FABP7: variants seen among roughly 807,000 people sequenced by gnomAD.
FABP7 encodes fatty acid-binding protein, brain.
In FABP7, 13 loss-of-function variants were observed where a neutral mutation model predicts 14.2. The observed-to-expected ratio is 0.91, with a 90% confidence interval of 0.59 to 1.45. The LOEUF is 1.45. Among genes scored for constraint, FABP7 ranks in the 40% most tolerant of loss-of-function variants. FABP7 has a pLI of 0.00. For missense variants in FABP7, 149 were observed against 157.6 expected (o/e 0.95, Z 0.29); for synonymous variants, 49 against 51.4 (o/e 0.95, Z 0.20).
At chr6:122,774,483 T>G in the FABP7 span, among the ~76,000 whole-genome samples, 1 of 151,868 alleles carries the variant, frequency 6.6e-6, no homozygotes, top group Non-Finnish European at 1.5e-5. Context: ...CACTTTATCT[T>G]CTATTAAATT....
the FABP7 span, among the ~76,000 whole-genome samples, chr6:122,768,866 T>C: frequency 2.0e-5 from 3 of 152,146 alleles, no homozygotes; most frequent in Non-Finnish European, 4.4e-5. Flanking sequence ...GCTACATTAC[T>C]CTAGATTAGA....
chr6:122,779,714 G>A (rs1331935480), upstream of FABP7: 16 of 1,345,308 alleles, frequency 1.2e-5, no homozygotes, highest in Non-Finnish European at 1.6e-5. Context: ...GCTTGCTGAG[G>A]TGTAAAGGGT....
the FABP7 span, among the ~76,000 whole-genome samples, chr6:122,761,224 C>T: frequency 2.1e-3 from 323 of 152,184 alleles, 5 homozygotes; most frequent in African/African-American, 7.5e-3. Flanking sequence ...AGTGGAAGAC[C>T]TCTTAACTTG....
At chr6:122,766,589 A>G in the FABP7 span, among the ~76,000 whole-genome samples, 1 of 152,072 alleles carries the variant, frequency 6.6e-6, no homozygotes, top group Non-Finnish European at 1.5e-5. Context: ...CCACCAGCAT[A>G]CACATTCATA....
chr6:122,775,056 A>G (rs879601074), upstream of FABP7, among the ~76,000 whole-genome samples: 2 of 152,176 alleles, frequency 1.3e-5, no homozygotes, highest in Admixed American at 6.5e-5. Context: ...TTAGAAAAAT[A>G]ATATTGTTAA....
upstream of FABP7, among the ~76,000 whole-genome samples, chr6:122,779,114 A>G (rs1277644782): frequency 6.6e-6 from 1 of 152,110 alleles, no homozygotes; most frequent in Non-Finnish European, 1.5e-5. Context: ...ATTGACAGTC[A>G]GAGTAGCCTT....
chr6:122,758,124 T>TA, the FABP7 span, among the ~76,000 whole-genome samples: 17,312 of 146,512 alleles, frequency 0.12, 1,836 homozygotes, highest in East Asian at 0.49. Context: ...TTTTTTTTTT[T>TA]AATTAACAGA....
intron 3 of FABP7, 139 bp from the exon 4 acceptor site, chr6:122,783,578 G>A (rs919003184): frequency 1.4e-6 from 2 of 1,392,184 alleles, no homozygotes; most frequent in East Asian, 2.9e-5. Flanking sequence ...TTTTCAAGAT[G>A]TGAAATGCTT....
the FABP7 span, among the ~76,000 whole-genome samples, chr6:122,767,417 A>T: frequency 6.6e-6 from 1 of 152,172 alleles, no homozygotes; most frequent in Non-Finnish European, 1.5e-5. Context: ...GGAATTAAAG[A>T]GGGTTCAGAG....
chr6:122,780,281 G>C lies in FABP7; in HGVS notation c.74-10G>C, dbSNP rs1210604509. On this transcript the variant is annotated splice_polypyrimidine_tract_variant and intron_variant, in intron 1 of 3. Coordinates refer to ENST00000368444, the MANE Select transcript of FABP7 (RefSeq NM_001446.5). Reference sequence around the variant, plus strand: ...CGCTGCAGACTGTACTGTTCCCTTTGCTATTTTAGGCGTGGGCTTTGCCAC... The same window carrying C: ...CGCTGCAGACTGTACTGTTCCCTTTCCTATTTTAGGCGTGGGCTTTGCCAC... 4 of 1,613,778 alleles carry C rather than the reference G, an allele frequency of 2.5e-6. No homozygotes were observed. The African/African-American group carries it at 5.3e-5, about 22-fold the overall frequency.
At chr6:122,778,390 G>A (rs1236979428), upstream of FABP7, among the ~76,000 whole-genome samples, 4 of 152,166 alleles carry the variant, frequency 2.6e-5, no homozygotes, top group Non-Finnish European at 2.9e-5. Context: ...TTAAACAAGC[G>A]CACTTGAGAC....
rs769675393 is a variant in FABP7 at position 122,779,911 on chromosome 6, T to G, written c.73+44T>G. The G allele has an allele frequency of 2.7e-5, 42 of 1,574,904 alleles. No individual in the cohort carries two copies. In the South Asian group the frequency reaches 4.5e-4, roughly 17 times the overall value. ...GGCTGTTCTCTTCTCAACGTGCAGCTTTAGATATTTGCAGATTCCATTTTT... is the reference window on the plus strand; with the variant it reads ...GGCTGTTCTCTTCTCAACGTGCAGCGTTAGATATTTGCAGATTCCATTTTT... On this transcript the variant is annotated intron_variant, in intron 1 of 3. Coordinates refer to ENST00000368444, the MANE Select transcript of FABP7 (RefSeq NM_001446.5).
the FABP7 span, among the ~76,000 whole-genome samples, chr6:122,767,817 A>G: frequency 1.3e-5 from 2 of 151,884 alleles, no homozygotes; most frequent in Non-Finnish European, 2.9e-5. Flanking sequence ...ATATAAGTGA[A>G]TATCTTTTGG....
the FABP7 span, among the ~76,000 whole-genome samples, chr6:122,751,591 G>A: frequency 7.9e-5 from 12 of 152,264 alleles, no homozygotes; most frequent in South Asian, 4.1e-4. Context: ...CATTCAGCTC[G>A]GAAATTCTGT....
rs1346259361 is a variant in FABP7, at chr6:122,780,221, A to G, written c.74-70A>G. On this transcript the variant is annotated intron_variant, in intron 1 of 3. Transcript: ENST00000368444. ...TTAGAACGTGGATTCCAGAATCAGAAAGCAGATTCTTGCTTTGTGAGTTAT... is the reference window on the plus strand; with the variant it reads ...TTAGAACGTGGATTCCAGAATCAGAGAGCAGATTCTTGCTTTGTGAGTTAT... 5 of 1,504,810 alleles carry G rather than the reference A, an allele frequency of 3.3e-6. No homozygotes were observed. In the East Asian group the frequency reaches 1.1e-4, roughly 34 times the overall value. The allele number at this position is 1,504,810 out of a possible 1,614,324, so 93.2% of individuals were successfully genotyped here. A position where few individuals can be genotyped will look rare whatever the true frequency, so the allele number is the denominator to read the frequency against.
At chr6:122,754,398 G>GC in the FABP7 span, among the ~76,000 whole-genome samples, 1 of 152,062 alleles carries the variant, frequency 6.6e-6, no homozygotes. Context: ...TATTTCAATG[G>GC]AAGAAATGTC....
intron 3 of FABP7, chr6:122,782,410 A>G (rs1370159958): frequency 1.6e-6 from 1 of 638,612 alleles, no homozygotes; most frequent in Non-Finnish European, 1.9e-6. Context: ...TTGGGCTTAC[A>G]GTTGTTATTA....
chr6:122,780,453 G>T lies in FABP7; in HGVS notation c.236G>T (p.Arg79Ile), dbSNP rs751907920. The T allele has an allele frequency of 6.2e-7, 1 of 1,611,946 alleles. No individual in the cohort carries two copies. Among genetic ancestry groups the T allele is most frequent in the African/African-American group, 1.3e-5 (1 of 74,790 alleles). ...EEFDETTADD[R>I]NCKSVVSLDG... Reference sequence around the variant, plus strand: ...TTTGATGAAACCACTGCAGATGATAGAAACTGTAAGGTGAGAAACTGCTTC... The same window carrying T: ...TTTGATGAAACCACTGCAGATGATATAAACTGTAAGGTGAGAAACTGCTTC... The change falls in exon 2 of 4, where the codon AGA becomes ATA. Residue 79 changes from arginine to isoleucine, a missense_variant. Transcript: ENST00000368444.
upstream of FABP7, among the ~76,000 whole-genome samples, chr6:122,778,422 C>T (rs532841473): frequency 1.8e-3 from 281 of 152,182 alleles, 2 homozygotes; most frequent in African/African-American, 6.6e-3. Context: ...ATCATGTAGC[C>T]GCCACCTAGC....
Sources: allele counts gnomAD v4.1 joint callset (sites outside exome capture counted in the v4.1 genomes callset), GRCh38; gene constraint gnomAD v4.1.1; transcripts MANE v1.5; gene names NCBI Gene and HGNC (gene_info 2026-07-23, HGNC 2026-07-21).